DAB1: variants seen among roughly 807,000 people sequenced by gnomAD.
DAB1 encodes disabled homolog 1.
Under a neutral mutation model 64.6 loss-of-function variants are expected in DAB1, and 15 were observed. The observed-to-expected ratio is 0.23, with a 90% CI of 0.16 to 0.36. DAB1 has a LOEUF of 0.36. Among genes scored for constraint, DAB1 ranks in the 10% least tolerant of loss-of-function variants. The pLI, the probability that DAB1 is intolerant of heterozygous loss-of-function variation, is 1.00. For synonymous variants in DAB1, 235 were observed against 251.9 expected (o/e 0.93, Z 0.64); for missense variants, 596 against 706.7 (o/e 0.84, Z 1.78).
In DAB1 at chr1:57,452,926, G is replaced by GA. The variant is rs962720924; in HGVS notation, n.626-161761dup. On this transcript the variant is annotated intron_variant and non_coding_transcript_variant, in intron 7 of 20. Transcript: ENST00000485760. ...GGAAGGGAAAAATAAAGAAAGGAAT[G>GA]AAGGAAAAAAGAAAAAAGGAAGGGA... Among the ~76,000 whole-genome samples, 23 of 150,382 alleles carry GA rather than the reference G, an allele frequency of 1.5e-4. No homozygotes were observed. In the Middle Eastern group the frequency reaches 0.01, roughly 67 times the overall value.
chr1:57,274,672 C>A (rs1279406698), intron 2 of DAB1, among the ~76,000 whole-genome samples: 4 of 152,154 alleles, frequency 2.6e-5, no homozygotes, highest in Admixed American at 2.6e-4. Flanking sequence ...CCTCTGCCTC[C>A]TGGGCTCAAG....
chr1:58,373,297 T>A (rs1007663747), intron 3 of DAB1, among the ~76,000 whole-genome samples: 60 of 140,650 alleles, frequency 4.3e-4, no homozygotes, highest in African/African-American at 1.4e-3. Context: ...GCATTAGGTA[T>A]ATCTCCCAAT....
At chr1:58,146,837 C>T (rs1011476840) in intron 5 of DAB1, among the ~76,000 whole-genome samples, 1 of 152,068 alleles carries the variant, frequency 6.6e-6, no homozygotes, top group African/African-American at 2.4e-5. Context: ...ATCCATCCAT[C>T]CATCAATGGA....
At chr1:57,578,874 G>A (rs1465937922) in intron 7 of DAB1, among the ~76,000 whole-genome samples, 1 of 152,220 alleles carries the variant, frequency 6.6e-6, no homozygotes, top group Non-Finnish European at 1.5e-5. Context: ...AAGTGAGACA[G>A]TCAAGCCCTT....
At chr1:57,303,211 T>A (rs1673818691) in intron 1 of DAB1, among the ~76,000 whole-genome samples, 2 of 152,148 alleles carry the variant, frequency 1.3e-5, no homozygotes. Context: ...GGATGAAAGT[T>A]GATCTTTGGG....
chr1:57,804,061 T>C (rs1433456935), intron 6 of DAB1, among the ~76,000 whole-genome samples: 1 of 152,194 alleles, frequency 6.6e-6, no homozygotes, highest in East Asian at 1.9e-4. Context: ...AAAATTCCGG[T>C]TACTGGCATC....
intron 4 of DAB1, chr1:58,228,917 A>C: frequency 2.0e-6 from 1 of 500,884 alleles, no homozygotes; most frequent in East Asian, 4.7e-5. Context: ...GTGTGTAGAA[A>C]ATGCAATCAA....
rs962771960 is a variant in DAB1, at chr1:57,797,050, G to C, written n.551+86949C>G. On this transcript the variant is annotated intron_variant and non_coding_transcript_variant, in intron 6 of 20. Transcript: ENST00000485760. ...TAGTCACAAAAGTTTGCTCATTCTA[G>C]AGTCCTGAGGAATGAATGAAAATAA... Among the ~76,000 whole-genome samples, 5 of 152,104 alleles carry C rather than the reference G, an allele frequency of 3.3e-5. No homozygotes were observed. The East Asian group carries it at 9.6e-4, about 29-fold the overall frequency.
chr1:57,762,893 C>A (rs1569605958), intron 6 of DAB1, among the ~76,000 whole-genome samples: 1 of 152,336 alleles, frequency 6.6e-6, no homozygotes, highest in Non-Finnish European at 1.5e-5. Context: ...AGCAACTATT[C>A]ATTCCAACAG....
chr1:58,327,004 G>C (rs141727636), intron 4 of DAB1, among the ~76,000 whole-genome samples: 1 of 152,164 alleles, frequency 6.6e-6, no homozygotes, highest in Non-Finnish European at 1.5e-5. Flanking sequence ...TTAAAGAGAG[G>C]GAATAATCTG....
At chr1:58,315,899 AGAGGC>A (rs1200561947) in intron 4 of DAB1, among the ~76,000 whole-genome samples, 3 of 152,210 alleles carry the variant, frequency 2.0e-5, no homozygotes, top group Non-Finnish European at 4.4e-5. Flanking sequence ...GTGATTCCAT[AGAGGC>A]TAAACTGGAA....
intron 4 of DAB1, among the ~76,000 whole-genome samples, chr1:58,298,237 G>T (rs1215256199): frequency 6.6e-6 from 1 of 151,960 alleles, no homozygotes; most frequent in Non-Finnish European, 1.5e-5. Context: ...TTTTTTCCTG[G>T]CTAGAGAGCT....
intron 6 of DAB1, among the ~76,000 whole-genome samples, chr1:57,686,438 A>G (rs1048831749): frequency 2.0e-5 from 3 of 152,154 alleles, no homozygotes; most frequent in Non-Finnish European, 2.9e-5. Context: ...AAAACCGCGG[A>G]CCAGATGGAT....
In DAB1 at chr1:57,692,392, G is replaced by A. The variant is rs572355819; in HGVS notation, n.552-42727C>T. 2.6e-5 allele frequency among the ~76,000 whole-genome samples: 4 copies of A among 152,188 alleles called. No individual in the cohort carries two copies. The South Asian group carries it at 8.3e-4, about 32-fold the overall frequency. On this transcript the variant is annotated intron_variant and non_coding_transcript_variant, in intron 6 of 20. Transcript: ENST00000485760. ...GACCAGCAGAGAGGAAAGAGAGAGA[G>A]AGGAAGAGAGAAAGAGAAAGAGAAA... is the stretch of plus-strand genomic sequence containing the variant.
At position 58,131,773 on chromosome 1, in the gene DAB1, G is replaced by T. The variant is rs998263031; in HGVS notation, n.387+18738C>A. On this transcript the variant is annotated intron_variant and non_coding_transcript_variant, in intron 5 of 20. Coordinates refer to the DAB1 transcript ENST00000485760. Reference sequence around the variant, plus strand: ...GTGCCTCCCAGTTAGGCTGCTCGGGGGTCAGGGGTCAGGGACCCACTTGAG... The same window carrying T: ...GTGCCTCCCAGTTAGGCTGCTCGGGTGTCAGGGGTCAGGGACCCACTTGAG... 2.2e-4 allele frequency among the ~76,000 whole-genome samples: 32 copies of T among 148,626 alleles called. 1 individual carries two copies. The highest frequency in any genetic ancestry group is 4.2e-4 in the Non-Finnish European group (28 of 67,370).
chr1:57,185,324 C>T (rs1311181283), intron 2 of DAB1, among the ~76,000 whole-genome samples: 1 of 152,092 alleles, frequency 6.6e-6, no homozygotes, highest in Non-Finnish European at 1.5e-5. Context: ...GCCTGAAGAC[C>T]AGTTACAACA....
chr1:57,286,421 C>T (rs1246533390), intron 2 of DAB1, among the ~76,000 whole-genome samples: 1 of 152,044 alleles, frequency 6.6e-6, no homozygotes, highest in Non-Finnish European at 1.5e-5. Context: ...ACACTAATGT[C>T]AAATAACAAA....
chr1:58,202,017 C>T lies in DAB1; in HGVS notation n.310-51429G>A, dbSNP rs542462348. ...CAGCCCCTCCATGCCCCAATTTACA[C>T]AACGGTGAAATGGGGATGACAACAA... On this transcript the variant is annotated intron_variant and non_coding_transcript_variant, in intron 4 of 20. Coordinates refer to the DAB1 transcript ENST00000485760. Among the ~76,000 whole-genome samples, 253 of 152,270 alleles carry T rather than the reference C, an allele frequency of 1.7e-3. 1 individual carries two copies. Among genetic ancestry groups the T allele is most frequent in the South Asian group, 9.5e-3 (46 of 4,828 alleles).
intron 6 of DAB1, among the ~76,000 whole-genome samples, chr1:57,810,263 A>G (rs1651555541): frequency 6.6e-6 from 1 of 152,196 alleles, no homozygotes; most frequent in Admixed American, 6.5e-5. Flanking sequence ...CCTTAAGAGA[A>G]GAGGGCCTAT....
Sources: gnomAD v4.1 joint callset for allele counts (sites outside exome capture counted in the v4.1 genomes callset) on GRCh38, gnomAD v4.1.1 for gene constraint, MANE v1.5 for transcripts, NCBI Gene and HGNC (gene_info 2026-07-23, HGNC 2026-07-21) for gene names.